GAS2L3: variants seen among roughly 807,000 people sequenced by gnomAD.
GAS2L3 encodes the protein growth arrest specific 2 like 3.
GAS2L3 carries 28 observed loss-of-function variants against 37.0 expected under a neutral mutation model. The observed-to-expected ratio is 0.76, with a 90% confidence interval of 0.56 to 1.04. GAS2L3 has a LOEUF of 1.04. Ranked by LOEUF, GAS2L3 falls within the 50% of genes least tolerant of loss-of-function variation. GAS2L3 has a pLI of 0.00. For missense variants in GAS2L3, 793 were observed against 817.6 expected (o/e 0.97, Z 0.37); for synonymous variants, 290 against 296.6 (o/e 0.98, Z 0.23).
chr12:100,580,148 C>A (rs1955692850), intron 1 of GAS2L3: 3 of 793,828 alleles, frequency 3.8e-6, no homozygotes, highest in Admixed American at 1.7e-5. Flanking sequence ...CATAAATGTT[C>A]TCACAGTAAA....
intron 1 of GAS2L3, chr12:100,579,896 C>A: frequency 2.6e-6 from 2 of 756,384 alleles, no homozygotes; most frequent in South Asian, 1.4e-5. Flanking sequence ...AGACTTTCCA[C>A]ACCTGAAGGA....
In GAS2L3 at chr12:100,624,711, G is replaced by C; in HGVS notation, c.1906G>C (p.Ala636Pro). The change falls in exon 10 of 10, where the codon GCT becomes CCT. Residue 636 changes from alanine (A) to proline (P), a missense_variant. Physicochemically the swap from Ala to Pro is conservative, Grantham distance 27. Coordinates refer to ENST00000547754, the MANE Select transcript of GAS2L3 (RefSeq NM_174942.3). ...QTAPKSAQTVAKSQHSTKGPP... is the reference protein window; with the variant it reads ...QTAPKSAQTVPKSQHSTKGPP... ...TGCACCGAAGTCAGCACAGACTGTCGCTAAGAGCCAGCATTCAACTAAAGG... is the reference window on the plus strand; with the variant it reads ...TGCACCGAAGTCAGCACAGACTGTCCCTAAGAGCCAGCATTCAACTAAAGG... 6.2e-7 allele frequency: 1 copy of C among 1,613,956 alleles called. No homozygotes were observed. Among genetic ancestry groups the C allele is most frequent in the Non-Finnish European group, 8.5e-7 (1 of 1,179,998 alleles).
At chr12:100,574,300 T>C (rs1955609083) in intron 1 of GAS2L3, among the ~76,000 whole-genome samples, 1 of 152,202 alleles carries the variant, frequency 6.6e-6, no homozygotes, top group African/African-American at 2.4e-5. Flanking sequence ...ACAGTTATTC[T>C]TGCCCTCTAG....
intron 1 of GAS2L3, among the ~76,000 whole-genome samples, chr12:100,576,370 A>G (rs745971668): frequency 4.6e-5 from 7 of 152,280 alleles, no homozygotes; most frequent in Non-Finnish European, 7.4e-5. Flanking sequence ...ATTAAACTTA[A>G]TATGTATTCT....
In GAS2L3 at chr12:100,594,752, A is replaced by G. The variant is rs150967420; in HGVS notation, c.-30-123A>G. On this transcript the variant is annotated intron_variant, in intron 2 of 9. Coordinates refer to ENST00000547754, the MANE Select transcript of GAS2L3 (RefSeq NM_174942.3). ...TTCTTATACTCAGACTTTTCTAACTAGAAGAAAAAGTTTTGCGTTTGCAGT... is the reference window on the plus strand; with the variant it reads ...TTCTTATACTCAGACTTTTCTAACTGGAAGAAAAAGTTTTGCGTTTGCAGT... The G allele has an allele frequency of 7.4e-4, 277 of 376,594 alleles. No homozygotes were observed. The South Asian group carries it at 8.6e-3, about 12-fold the overall frequency. The allele number at this position is 376,594 out of a possible 1,614,324, so 23.3% of individuals were successfully genotyped here. A position where few individuals can be genotyped will look rare whatever the true frequency, so the allele number is the denominator to read the frequency against.
chr12:100,627,844 A>G lies in GAS2L3; in HGVS notation c.*2954A>G, dbSNP rs1956346772. 1 of 152,248 alleles carries G rather than the reference A, an allele frequency of 6.6e-6. No individual in the cohort carries two copies. The highest frequency in any genetic ancestry group is 6.5e-5 in the Admixed American group (1 of 15,288). 9.4% of individuals were successfully genotyped at this position (152,248 alleles called of 1,614,324 possible). Reference sequence around the variant, plus strand: ...GAGAAGTAATGATGTGTACTTTCAAAAAAATGGAAAATGCTTTTATTTTAT... The same window carrying G: ...GAGAAGTAATGATGTGTACTTTCAAGAAAATGGAAAATGCTTTTATTTTAT... On this transcript the variant is annotated 3_prime_UTR_variant, in exon 10 of 10. Coordinates refer to ENST00000547754, the MANE Select transcript of GAS2L3 (RefSeq NM_174942.3).
rs1420590569 is a variant in GAS2L3, at chr12:100,624,473, G to A, written c.1668G>A (p.Ser556=). 1.9e-6 allele frequency: 3 copies of A among 1,613,944 alleles called. No homozygotes were observed. Among genetic ancestry groups the A allele is most frequent in the Middle Eastern group, 1.6e-4 (1 of 6,062 alleles). ...CAGTCCCAGCACAGAAACTTAAATC[G>A]GCCTTGAATTTAAATCAGCCAGTTT... ...AKPVPAQKLK[S]ALNLNQPVSV... Residue 556 remains serine (S), a synonymous_variant, in exon 10 of 10, where the codon TCG becomes TCA. Coordinates refer to ENST00000547754, the MANE Select transcript of GAS2L3 (RefSeq NM_174942.3).
At chr12:100,620,119 G>A (rs1379820854) in intron 8 of GAS2L3, among the ~76,000 whole-genome samples, 1 of 151,996 alleles carries the variant, frequency 6.6e-6, no homozygotes. Context: ...TGTAGTTGAA[G>A]AGGGAAAAAG....
At chr12:100,605,745 C>T (rs1319196910) in intron 5 of GAS2L3, among the ~76,000 whole-genome samples, 2 of 151,674 alleles carry the variant, frequency 1.3e-5, no homozygotes, top group Non-Finnish European at 2.9e-5. Context: ...TCCTCATTGA[C>T]CCACTGGTCG....
chr12:100,588,529 G>A (rs1469565383), intron 1 of GAS2L3, among the ~76,000 whole-genome samples: 1 of 152,052 alleles, frequency 6.6e-6, no homozygotes, highest in East Asian at 1.9e-4. Flanking sequence ...AACTAATAAG[G>A]GTCTATGTTC....
chr12:100,582,686 T>G (rs1321197964), intron 1 of GAS2L3, among the ~76,000 whole-genome samples: 1 of 151,956 alleles, frequency 6.6e-6, no homozygotes, highest in African/African-American at 2.4e-5. Flanking sequence ...AAACCCAGAG[T>G]GTATTAGCTT....
chr12:100,579,816 T>C (rs1259601166), intron 1 of GAS2L3: 33 of 725,772 alleles, frequency 4.5e-5, no homozygotes, highest in East Asian at 9.8e-5. Flanking sequence ...GTGTGAGGGA[T>C]TGGAAAAAGC....
chr12:100,612,308 A>G (rs368001600), intron 6 of GAS2L3, 167 bp downstream of exon 6: 25 of 605,946 alleles, frequency 4.1e-5, no homozygotes, highest in East Asian at 3.5e-4. Flanking sequence ...CAGATACTAA[A>G]TCAAATATAT....
chr12:100,579,113 A>G (rs1445547705), intron 1 of GAS2L3: 2 of 717,420 alleles, frequency 2.8e-6, no homozygotes, highest in Admixed American at 1.8e-5. Flanking sequence ...GAGAGTCACA[A>G]TAATCCATTC....
In GAS2L3 at chr12:100,624,140, G is replaced by A. The variant is rs757183844; in HGVS notation, c.1335G>A (p.Lys445=). The A allele has an allele frequency of 2.5e-6, 4 of 1,612,946 alleles. No individual in the cohort carries two copies. ...CISSPNTPKA[K]VIPAQNSADL... is the part of the protein sequence containing the mutation. ...CATCCCCCAATACCCCCAAGGCCAA[G>A]GTTATTCCAGCCCAGAATTCAGCAG... Residue 445 remains lysine, a synonymous_variant, in exon 10 of 10, where the codon AAG becomes AAA. Coordinates refer to ENST00000547754, the MANE Select transcript of GAS2L3 (RefSeq NM_174942.3).
chr12:100,582,869 G>A (rs1313715523), intron 1 of GAS2L3, among the ~76,000 whole-genome samples: 4 of 152,074 alleles, frequency 2.6e-5, no homozygotes, highest in South Asian at 2.1e-4. Flanking sequence ...CCCAGTTTCC[G>A]CTGACACCTG....
intron 5 of GAS2L3, among the ~76,000 whole-genome samples, chr12:100,602,552 A>C (rs1593175373): frequency 6.6e-6 from 1 of 152,010 alleles, no homozygotes; most frequent in Non-Finnish European, 1.5e-5. Context: ...GGTACATGAG[A>C]TACTTTGATA....
chr12:100,623,962 A>T lies in GAS2L3; in HGVS notation c.1157A>T (p.Lys386Met), dbSNP rs746621272. The change falls in exon 10 of 10, where the codon AAG (lysine) becomes ATG (methionine). Residue 386 changes from lysine to methionine, a missense_variant. Transcript: ENST00000547754. ...SPAASSHPKL[K>M]SSKGITKKPQ... Reference sequence around the variant, plus strand: ...GCAGCATCTTCTCATCCCAAGCTCAAGTCTTCAAAAGGCATAACGAAGAAA... The same window carrying T: ...GCAGCATCTTCTCATCCCAAGCTCATGTCTTCAAAAGGCATAACGAAGAAA... 1 of 1,614,004 alleles carries T rather than the reference A, an allele frequency of 6.2e-7. No homozygotes were observed. The highest frequency in any genetic ancestry group is 2.2e-5 in the East Asian group (1 of 44,882).
chr12:100,612,329 A>C (rs1309763588), intron 6 of GAS2L3, 188 bp downstream of exon 6: 1 of 548,556 alleles, frequency 1.8e-6, no homozygotes, highest in Non-Finnish European at 3.2e-6. Flanking sequence ...TAACCTTTTC[A>C]CTTAAAGATT....
Sources: allele counts gnomAD v4.1 joint callset (sites outside exome capture counted in the v4.1 genomes callset), GRCh38; gene constraint gnomAD v4.1.1; transcripts MANE v1.5; gene names NCBI Gene and HGNC (gene_info 2026-07-23, HGNC 2026-07-21).